Variants in SSTR4 observed in about 807,000 individuals in gnomAD.
SSTR4 encodes the protein somatostatin receptor type 4.
For synonymous variants in SSTR4, 272 were observed against 246.3 expected (o/e 1.10, Z -0.98); for missense variants, 649 against 540.6 (o/e 1.20, Z -1.99).
At position 23,036,787 on chromosome 20, in the gene SSTR4, G is replaced by C. The variant is rs766973853; in HGVS notation, c.*137G>C. The C allele has an allele frequency of 2.0e-6, 2 of 1,005,698 alleles. No individual in the cohort carries two copies. The highest frequency in any genetic ancestry group is 1.8e-5 in the South Asian group (1 of 56,544). 62.3% of individuals were successfully genotyped at this position (1,005,698 alleles called of 1,614,324 possible). On this transcript the variant is annotated 3_prime_UTR_variant, in exon 1 of 1. Transcript: ENST00000255008. ...CCTTCCAGCAGCCCATGTACCTGCC[G>C]GAGAGTGTCAGAACTCTTCTGCTGC...
At position 23,035,403 on chromosome 20, in the gene SSTR4, C is replaced by T. The variant is rs1984269448; in HGVS notation, c.-81C>T. 2 of 1,099,436 alleles carry T rather than the reference C, an allele frequency of 1.8e-6. No homozygotes were observed. Among genetic ancestry groups the T allele is most frequent in the East Asian group, 3.4e-5 (1 of 29,678 alleles). The allele number at this position is 1,099,436 out of a possible 1,614,324, so 68.1% of individuals were successfully genotyped here. A position where few individuals can be genotyped will look rare whatever the true frequency, so the allele number is the denominator to read the frequency against. On this transcript the variant is annotated 5_prime_UTR_variant, in exon 1 of 1. Transcript: ENST00000255008. ...AGCCGCGCGTCTGCGCGCCAGCCCC[C>T]GCCCTGGGCCCGCCGCCCGAGCTCT...
In SSTR4 at chr20:23,038,353, C is replaced by G. The variant is rs894266927; in HGVS notation, c.*1703C>G. The G allele has an allele frequency of 6.6e-6, 1 of 152,238 alleles. No individual in the cohort carries two copies. Among genetic ancestry groups the G allele is most frequent in the East Asian group, 1.9e-4 (1 of 5,200 alleles). 9.4% of individuals were successfully genotyped at this position (152,238 alleles called of 1,614,324 possible). A position where few individuals can be genotyped will look rare whatever the true frequency, so the allele number is the denominator to read the frequency against. On this transcript the variant is annotated 3_prime_UTR_variant, in exon 1 of 1. Coordinates refer to ENST00000255008, the MANE Select transcript of SSTR4 (RefSeq NM_001052.4). The stretch of plus-strand genomic sequence containing the variant: ...AGTGGTCCCCAGGGCTTCTTCCCAG[C>G]TTGTACGTGGGGTTGGGGGTCCTTT...
rs983519483 is a variant in SSTR4 at position 23,036,839 on chromosome 20, C to T, written c.*189C>T. 8.3e-6 allele frequency: 5 copies of T among 602,638 alleles called. No individual in the cohort carries two copies. Among genetic ancestry groups the T allele is most frequent in the Admixed American group, 3.6e-5 (1 of 27,454 alleles). The allele number at this position is 602,638 out of a possible 1,614,324, so 37.3% of individuals were successfully genotyped here. On this transcript the variant is annotated 3_prime_UTR_variant, in exon 1 of 1. Transcript: ENST00000255008. ...CTCCTCTCCCCTGCACTCTGGCTTT[C>T]AAAAGGATGCTTCCATATGGGTAGG... is the stretch of plus-strand genomic sequence containing the variant.
Sources: gnomAD v4.1 joint callset for allele counts on GRCh38, gnomAD v4.1.1 for gene constraint, MANE v1.5 for transcripts, NCBI Gene and HGNC (gene_info 2026-07-23, HGNC 2026-07-21) for gene names.